SUPT3H: variants seen among roughly 807,000 people sequenced by gnomAD.
The protein encoded by SUPT3H is SPT3 homolog, SAGA and STAGA complex component, also known as transcription initiation protein SPT3 homolog.
In SUPT3H, 44 loss-of-function variants were observed where a neutral mutation model predicts 44.3. The observed-to-expected ratio is 0.99, with a 90% CI of 0.78 to 1.28. The LOEUF (loss-of-function observed/expected upper bound fraction) is 1.28. Ranked by LOEUF, SUPT3H falls within the 50% of genes most tolerant of loss-of-function variation. The pLI is 0.00. For synonymous variants in SUPT3H, 124 were observed against 125.6 expected (o/e 0.99, Z 0.09); for missense variants, 380 against 387.1 (o/e 0.98, Z 0.15).
intron 2 of SUPT3H, among the ~76,000 whole-genome samples, chr6:45,274,082 C>T (rs1301219211): frequency 1.3e-5 from 2 of 152,122 alleles, no homozygotes; most frequent in African/African-American, 4.8e-5. Flanking sequence ...GTTTATTTGG[C>T]CATTTGTAAA....
chr6:45,099,391 C>A (rs183953860), intron 3 of SUPT3H: 1 of 151,696 alleles, frequency 6.6e-6, no homozygotes, highest in African/African-American at 2.4e-5. Flanking sequence ...GAATAAAACA[C>A]GTTTCTGTGT....
At chr6:45,220,305 A>T (rs1765819561) in intron 2 of SUPT3H, among the ~76,000 whole-genome samples, 1 of 152,156 alleles carries the variant, frequency 6.6e-6, no homozygotes, top group African/African-American at 2.4e-5. Context: ...AACACGGTTC[A>T]ACATTCAAAA....
chr6:44,918,757 T>G (rs780867558), intron 10 of SUPT3H, among the ~76,000 whole-genome samples: 1 of 152,162 alleles, frequency 6.6e-6, no homozygotes, highest in East Asian at 1.9e-4. Context: ...AGATCATTTA[T>G]AAAATTTTTA....
chr6:45,252,419 A>C (rs1399436907), intron 2 of SUPT3H, among the ~76,000 whole-genome samples: 1 of 152,226 alleles, frequency 6.6e-6, no homozygotes, highest in Non-Finnish European at 1.5e-5. Flanking sequence ...ATGATGAAAC[A>C]ACACAGATTC....
chr6:44,975,960 T>C (rs1778272356), intron 6 of SUPT3H, among the ~76,000 whole-genome samples: 2 of 152,182 alleles, frequency 1.3e-5, no homozygotes, highest in South Asian at 4.1e-4. Flanking sequence ...TGGATAGCAT[T>C]TGAGTTAAGA....
Position 45,225,576 on chromosome 6 carries a change from T to C in SUPT3H, c.102-119570A>G, listed in dbSNP as rs146799627. Among the ~76,000 whole-genome samples, 342 of 152,286 alleles carry C rather than the reference T, an allele frequency of 2.2e-3. 6 individuals are homozygous for C. Among genetic ancestry groups the C allele is most frequent in the African/African-American group, 7.7e-3 (321 of 41,564 alleles). ...TATGGAGAGAGATTAACTGGTTGGA[T>C]TACTACTTTCTTCCACTATCTTCTT... On this transcript the variant is annotated intron_variant, in intron 2 of 10. Transcript: ENST00000371459.
At chr6:45,355,203 C>A (rs1792921154) in intron 2 of SUPT3H, among the ~76,000 whole-genome samples, 1 of 150,832 alleles carries the variant, frequency 6.6e-6, no homozygotes, top group Non-Finnish European at 1.5e-5. Flanking sequence ...CTCAAGCAAT[C>A]CTCCTGCCTC....
intron 2 of SUPT3H, among the ~76,000 whole-genome samples, chr6:45,115,854 T>TA (rs941495796): frequency 2.0e-5 from 3 of 152,152 alleles, no homozygotes; most frequent in Admixed American, 6.5e-5. Context: ...CCCACAAACT[T>TA]AAAGACATGA....
At chr6:44,958,534 T>C (rs12212190) in intron 7 of SUPT3H, among the ~76,000 whole-genome samples, 31,318 of 152,116 alleles carry the variant, frequency 0.21, 3,944 homozygotes, top group Non-Finnish European at 0.29. Context: ...CCTTTATACA[T>C]ATTTATGGGC....
intron 10 of SUPT3H, among the ~76,000 whole-genome samples, chr6:44,900,308 C>T (rs956085132): frequency 5.3e-5 from 8 of 152,312 alleles, no homozygotes; most frequent in African/African-American, 7.2e-5. Context: ...CCTGGAAAAT[C>T]GGGTCACTGC....
At chr6:45,342,191 A>C (rs1789921342) in intron 2 of SUPT3H, among the ~76,000 whole-genome samples, 1 of 152,186 alleles carries the variant, frequency 6.6e-6, no homozygotes, top group Admixed American at 6.5e-5. Flanking sequence ...TATTATAAAT[A>C]GAATGAGTTC....
intron 2 of SUPT3H, among the ~76,000 whole-genome samples, chr6:45,181,543 A>G (rs1813188796): frequency 1.3e-5 from 2 of 151,996 alleles, no homozygotes; most frequent in South Asian, 4.2e-4. Context: ...GCCATAAAAA[A>G]TGATGAGTTC....
At chr6:45,300,890 A>C (rs1391652242) in intron 2 of SUPT3H, among the ~76,000 whole-genome samples, 1 of 152,198 alleles carries the variant, frequency 6.6e-6, no homozygotes, top group Non-Finnish European at 1.5e-5. Context: ...AATTTAAAGA[A>C]GTGAATGAGG....
chr6:44,886,039 A>G (rs1340578014), intron 10 of SUPT3H, among the ~76,000 whole-genome samples: 3 of 152,202 alleles, frequency 2.0e-5, no homozygotes, highest in Non-Finnish European at 4.4e-5. Context: ...AAATGAATGA[A>G]ATGAAGTGAG....
chr6:44,985,443 C>T (rs1376356901), intron 6 of SUPT3H, among the ~76,000 whole-genome samples: 2 of 151,892 alleles, frequency 1.3e-5, no homozygotes, highest in African/African-American at 4.8e-5. Context: ...TTCATAAATA[C>T]GTTGTATCCT....
At chr6:45,070,613 C>T (rs552634986) in intron 3 of SUPT3H, among the ~76,000 whole-genome samples, 26 of 151,918 alleles carry the variant, frequency 1.7e-4, no homozygotes, top group African/African-American at 5.8e-4. Flanking sequence ...TGGCAGCACG[C>T]GCCTGTAATC....
At chr6:45,360,763 G>A (rs1794112137) in intron 2 of SUPT3H, among the ~76,000 whole-genome samples, 1 of 152,116 alleles carries the variant, frequency 6.6e-6, no homozygotes, top group African/African-American at 2.4e-5. Flanking sequence ...TAAATTTGAG[G>A]TGCTCGCAGA....
chr6:44,820,092 G>A (rs927184315), intron 11 of SUPT3H, among the ~76,000 whole-genome samples: 5 of 151,638 alleles, frequency 3.3e-5, no homozygotes, highest in African/African-American at 7.3e-5. Flanking sequence ...GGTGGCATGC[G>A]CCTGTGGTCC....
At chr6:44,940,988 A>T (rs1772321095) in intron 9 of SUPT3H, among the ~76,000 whole-genome samples, 1 of 152,102 alleles carries the variant, frequency 6.6e-6, no homozygotes. Context: ...ACATATAGTT[A>T]AATCATGTTT....
Sources: allele counts gnomAD v4.1 joint callset (sites outside exome capture counted in the v4.1 genomes callset), GRCh38; gene constraint gnomAD v4.1.1; transcripts MANE v1.5; gene names NCBI Gene and HGNC (gene_info 2026-07-23, HGNC 2026-07-21).